FLT1: variants seen among roughly 807,000 people sequenced by gnomAD.
The protein encoded by FLT1 is fms related receptor tyrosine kinase 1.
FLT1 carries 49 observed loss-of-function variants against 156.3 expected under a neutral mutation model. The ratio of observed to expected loss-of-function variants is 0.31; its 90% CI spans 0.25 to 0.40. The LOEUF is 0.40. Ranked by LOEUF, FLT1 falls within the 10% of genes least tolerant of loss-of-function variation. FLT1 has a pLI of 1.00. For synonymous variants in FLT1, 594 were observed against 583.8 expected (o/e 1.02, Z -0.25); for missense variants, 1,322 against 1,637.2 (o/e 0.81, Z 3.32).
intron 1 of FLT1, among the ~76,000 whole-genome samples, chr13:28,472,621 T>A (rs1301758918): frequency 6.6e-6 from 1 of 152,244 alleles, no homozygotes; most frequent in Non-Finnish European, 1.5e-5. Flanking sequence ...AGTCTTAGGG[T>A]TATTCTCTGT....
chr13:28,396,859 T>TA (rs374154269), intron 12 of FLT1, 101 bp downstream of exon 12: 136 of 755,250 alleles, frequency 1.8e-4, no homozygotes, highest in Middle Eastern at 4.5e-4. Context: ...TCTATGGAAT[T>TA]AAAAAAAAAT....
chr13:28,377,127 G>A (rs1032635675), intron 14 of FLT1, among the ~76,000 whole-genome samples: 1 of 152,080 alleles, frequency 6.6e-6, no homozygotes, highest in Non-Finnish European at 1.5e-5. Context: ...ATTCACTTCA[G>A]CTTGTCTACT....
intron 1 of FLT1, among the ~76,000 whole-genome samples, chr13:28,468,696 C>T (rs1298702853): frequency 1.2e-4 from 18 of 152,128 alleles, no homozygotes; most frequent in Admixed American, 1.2e-3. Context: ...TGGCACCTCC[C>T]CCCTTCTCTT....
intron 15 of FLT1, among the ~76,000 whole-genome samples, chr13:28,356,489 G>T (rs1872904250): frequency 6.6e-6 from 1 of 152,200 alleles, no homozygotes; most frequent in Non-Finnish European, 1.5e-5. Flanking sequence ...TTTGGGGAAT[G>T]CTACCCTCTC....
At position 28,393,674 on chromosome 13, in the gene FLT1, C is replaced by T. The variant is rs142172470; in HGVS notation, c.1660+3286G>A. On this transcript the variant is annotated intron_variant, in intron 12 of 29. Coordinates refer to ENST00000282397, the MANE Select transcript of FLT1 (RefSeq NM_002019.4). Reference sequence around the variant, plus strand: ...CCATCATGGCTCACTGCAGCCTCGACCTCCTGGGCTCAAGTGATCTTCCCA... The same window carrying T: ...CCATCATGGCTCACTGCAGCCTCGATCTCCTGGGCTCAAGTGATCTTCCCA... Among the ~76,000 whole-genome samples, 43 of 152,270 alleles carry T rather than the reference C, an allele frequency of 2.8e-4. No homozygotes were observed. The East Asian group carries it at 8.1e-3, about 29-fold the overall frequency.
chr13:28,423,202 A>T (rs936515297), intron 10 of FLT1, among the ~76,000 whole-genome samples: 2 of 152,140 alleles, frequency 1.3e-5, no homozygotes, highest in African/African-American at 4.8e-5. Context: ...GCCTCAGCCA[A>T]CCCACAGGGC....
At position 28,303,229 on chromosome 13, in the gene FLT1, C is replaced by T. The variant is rs1392528455; in HGVS notation, c.3955G>A (p.Ala1319Thr). ...TAGTCTGGGGGCGGGGAGCAGCACG[C>T]GATTTTCCTTTCCAGCTCAGCGTGG... ...YDHAELERKIACCSPPPDYNS... is the reference protein window; with the variant it reads ...YDHAELERKITCCSPPPDYNS... The change falls in exon 30 of 30, where the codon GCG (alanine) becomes ACG (threonine). Residue 1319 changes from alanine (A) to threonine (T), a missense_variant. Physicochemically the swap from Ala to Thr is moderately conservative, Grantham distance 58. Around this residue, in one of 3 missense-constraint regions of FLT1, gnomAD observed 329 missense variants for 366.2 expected, o/e 0.90. Transcript: ENST00000282397. The T allele has an allele frequency of 9.9e-6, 16 of 1,613,514 alleles. No individual in the cohort carries two copies. Among genetic ancestry groups the T allele is most frequent in the East Asian group, 2.2e-5 (1 of 44,866 alleles).
At chr13:28,314,562 A>G (rs545637803) in intron 25 of FLT1, among the ~76,000 whole-genome samples, 1 of 152,302 alleles carries the variant, frequency 6.6e-6, no homozygotes, top group African/African-American at 2.4e-5. Context: ...CAAGCTGGGG[A>G]TGAGGGGCCC....
intron 10 of FLT1, among the ~76,000 whole-genome samples, chr13:28,412,896 A>T (rs1277465952): frequency 6.6e-6 from 1 of 151,798 alleles, no homozygotes; most frequent in East Asian, 1.9e-4. Flanking sequence ...AATATAGGAG[A>T]GTGGATGCTG....
intron 3 of FLT1, among the ~76,000 whole-genome samples, chr13:28,466,117 A>T (rs1458202359): frequency 6.6e-6 from 1 of 152,134 alleles, no homozygotes; most frequent in East Asian, 1.9e-4. Context: ...ATTGGAACTA[A>T]ACAAGGAAGA....
intron 3 of FLT1, among the ~76,000 whole-genome samples, chr13:28,449,932 C>T (rs1254647822): frequency 1.3e-5 from 2 of 152,176 alleles, no homozygotes; most frequent in Non-Finnish European, 2.9e-5. Context: ...TTTTCTCCTT[C>T]CTCTGGCTTC....
At chr13:28,467,692 GGTGA>G in intron 1 of FLT1, 75 bp from the exon 2 acceptor site, 2 of 780,808 alleles carry the variant, frequency 2.6e-6, no homozygotes, top group Admixed American at 2.5e-5. Flanking sequence ...TTTCCATGAA[GGTGA>G]GTTTTTCATT....
rs532592235 is a variant in FLT1, at chr13:28,478,031, G to A, written c.65-10414C>T. 1.2e-4 allele frequency among the ~76,000 whole-genome samples: 18 copies of A among 152,294 alleles called. 1 individual carries two copies. The highest frequency in any genetic ancestry group is 3.9e-4 in the Admixed American group (6 of 15,296). On this transcript the variant is annotated intron_variant, in intron 1 of 29. Coordinates refer to ENST00000282397, the MANE Select transcript of FLT1 (RefSeq NM_002019.4). ...GTTTGTTAATTTTTTATCAATTTGT[G>A]CATCCTCTTTAGAATCATAGTGTCT...
chr13:28,438,085 A>G, intron 4 of FLT1, 136 bp downstream of exon 4: 2 of 789,474 alleles, frequency 2.5e-6, no homozygotes, highest in Non-Finnish European at 4.4e-6. Flanking sequence ...CCTTATAGTA[A>G]AAGGATGTTA....
In FLT1 at chr13:28,490,375, A is replaced by G. The variant is rs550466455; in HGVS notation, c.64+4405T>C. ...CCCACATCCGCCCCAGCGGCAATGCAGGAAATCTAGTCCACTATCTTCAGC... is the reference window on the plus strand; with the variant it reads ...CCCACATCCGCCCCAGCGGCAATGCGGGAAATCTAGTCCACTATCTTCAGC... On this transcript the variant is annotated intron_variant, in intron 1 of 29. Coordinates refer to ENST00000282397, the MANE Select transcript of FLT1 (RefSeq NM_002019.4). Among the ~76,000 whole-genome samples the G allele has an allele frequency of 8.5e-5, 13 of 152,360 alleles. No homozygotes were observed. The South Asian group carries it at 2.7e-3, about 32-fold the overall frequency.
At chr13:28,353,471 G>C (rs930334238) in intron 15 of FLT1, among the ~76,000 whole-genome samples, 1 of 151,508 alleles carries the variant, frequency 6.6e-6, no homozygotes, top group South Asian at 2.1e-4. Flanking sequence ...TACTCGGGAG[G>C]CTGAGGCAGA....
intron 1 of FLT1, among the ~76,000 whole-genome samples, chr13:28,492,024 T>C (rs964598569): frequency 6.6e-6 from 1 of 152,220 alleles, no homozygotes; most frequent in African/African-American, 2.4e-5. Flanking sequence ...GTTGGAAAAC[T>C]GTAGGCTGCC....
At chr13:28,465,994 GT>G (rs879847434) in intron 3 of FLT1, among the ~76,000 whole-genome samples, 30 of 151,928 alleles carry the variant, frequency 2.0e-4, no homozygotes, top group South Asian at 4.2e-4. Flanking sequence ...GTTTTCTTTT[GT>G]TTTTTTTAAA....
chr13:28,386,078 C>T (rs1246155771), intron 13 of FLT1: 2 of 1,055,002 alleles, frequency 1.9e-6, no homozygotes, highest in Admixed American at 1.1e-4. Context: ...TCACTGTCTT[C>T]AATTATACAG....
Sources: gnomAD v4.1 joint callset for allele counts (sites outside exome capture counted in the v4.1 genomes callset) on GRCh38, gnomAD v4.1.1 for gene constraint, gnomAD v4.1.1 regional missense constraint, MANE v1.5 for transcripts, NCBI Gene and HGNC (gene_info 2026-07-23, HGNC 2026-07-21) for gene names.